SNX29: variants seen among roughly 807,000 people sequenced by gnomAD.
The protein encoded by SNX29 is sorting nexin 29, also known as sorting nexin-29.
SNX29 carries 78 observed loss-of-function variants against 102.1 expected under a neutral mutation model. The ratio of observed to expected loss-of-function variants is 0.76; its 90% CI spans 0.64 to 0.92. SNX29 has a LOEUF of 0.92. Among genes scored for constraint, SNX29 ranks in the 40% least tolerant of loss-of-function variants. SNX29 has a pLI of 0.00. For missense variants in SNX29, 1,280 were observed against 1,061.7 expected (o/e 1.21, Z -2.86); for synonymous variants, 580 against 414.5 (o/e 1.40, Z -4.85).
At chr16:12,520,132 C>A (rs1007715853) in intron 19 of SNX29, among the ~76,000 whole-genome samples, 3 of 152,204 alleles carry the variant, frequency 2.0e-5, no homozygotes, top group African/African-American at 7.2e-5. Context: ...TCCTGTGCCG[C>A]GATTCAGGCC....
rs530264378 is a variant in SNX29, at chr16:12,540,139, TTA to T, written c.2318+15301_2318+15302del. On this transcript the variant is annotated intron_variant, in intron 20 of 20. Transcript: ENST00000566228. ...TTTCTCCTAGGTTTTCCTCAAAGTT[TTA>T]TAGCTTTACATTTTAGATCTGCGAT... 2.3e-3 allele frequency among the ~76,000 whole-genome samples: 343 copies of T among 152,276 alleles called. 1 individual carries two copies. The highest frequency in any genetic ancestry group is 8.0e-3 in the African/African-American group (332 of 41,558).
At chr16:12,484,323 A>T (rs1378804273) in intron 19 of SNX29, among the ~76,000 whole-genome samples, 1 of 152,062 alleles carries the variant, frequency 6.6e-6, no homozygotes, top group East Asian at 1.9e-4. Flanking sequence ...TCCTGTTTAG[A>T]TTATTCTAAC....
At chr16:12,227,899 TAAAAAAAAAA>T (rs59381762) in intron 14 of SNX29, among the ~76,000 whole-genome samples, 6 of 71,568 alleles carry the variant, frequency 8.4e-5, no homozygotes, top group African/African-American at 1.8e-4. Flanking sequence ...GACTCTGTCT[TAAAAAAAAAA>T]AAAAAAAAAA....
chr16:12,323,248 A>AGTCACTGGGGACCACTGTCAGGATGTG (rs2081012887), intron 15 of SNX29, among the ~76,000 whole-genome samples: 1 of 130,864 alleles, frequency 7.6e-6, no homozygotes, highest in Non-Finnish European at 1.8e-5. Flanking sequence ...TGGTCACTGG[A>AGTCACTGGGGACCACTGTCAGGATGTG]GTCACTAGAG....
chr16:12,360,708 A>G (rs575981731), intron 16 of SNX29, among the ~76,000 whole-genome samples: 1 of 151,962 alleles, frequency 6.6e-6, no homozygotes, highest in East Asian at 1.9e-4. Context: ...TGCTTCCCTA[A>G]TTCCTGACAG....
chr16:12,096,026 C>T lies in SNX29; in HGVS notation c.1402+17111C>T, dbSNP rs909521915. Among the ~76,000 whole-genome samples, 27 of 152,208 alleles carry T rather than the reference C, an allele frequency of 1.8e-4. No homozygotes were observed. Among genetic ancestry groups the T allele is most frequent in the Admixed American group, 1.1e-3 (17 of 15,282 alleles). ...AACATCAGAGAGAGATGCGAGGCCC[C>T]GCAGCCAGCTGCTTGCTTGGCTAAG... On this transcript the variant is annotated intron_variant, in intron 11 of 20. Coordinates refer to ENST00000566228, the MANE Select transcript of SNX29 (RefSeq NM_032167.5). The surrounding 1 kb of genome is among the most constrained non-coding windows in gnomAD (Gnocchi z 4.2).
intron 8 of SNX29, among the ~76,000 whole-genome samples, chr16:12,055,411 A>G (rs1045140751): frequency 2.6e-5 from 4 of 151,938 alleles, no homozygotes; most frequent in Non-Finnish European, 5.9e-5. Context: ...TTGTGATTTT[A>G]GTAGAGATGG....
At chr16:12,467,046 G>C (rs1049869962) in intron 18 of SNX29, among the ~76,000 whole-genome samples, 14 of 152,228 alleles carry the variant, frequency 9.2e-5, no homozygotes, top group Non-Finnish European at 1.9e-4. Context: ...TGAAGGAAAA[G>C]GCAGTGGCCA....
chr16:12,166,014 C>T (rs1440586337), intron 13 of SNX29, among the ~76,000 whole-genome samples: 1 of 152,214 alleles, frequency 6.6e-6, no homozygotes, highest in Non-Finnish European at 1.5e-5. Flanking sequence ...TGTTTGAAGT[C>T]CTTATCCTGG....
chr16:12,573,597 A>T lies in SNX29; in HGVS notation c.*4968A>T. On this transcript the variant is annotated 3_prime_UTR_variant, in exon 21 of 21. Coordinates refer to ENST00000566228, the MANE Select transcript of SNX29 (RefSeq NM_032167.5). ...CCCAGGCTTCCCCCACTTCCCCTCA[A>T]ATTTTCTCAGCTCTGCCGCTGGTCT... 4.5e-6 allele frequency: 1 copy of T among 221,880 alleles called. No homozygotes were observed. Among genetic ancestry groups the T allele is most frequent in the East Asian group, 6.6e-5 (1 of 15,188 alleles). 13.7% of individuals were successfully genotyped at this position (221,880 alleles called of 1,614,324 possible).
chr16:12,174,966 A>G (rs1207156351), intron 13 of SNX29, among the ~76,000 whole-genome samples: 1 of 152,062 alleles, frequency 6.6e-6, no homozygotes, highest in Non-Finnish European at 1.5e-5. Flanking sequence ...TCCCTGAGGT[A>G]AGAGGGCTAG....
At chr16:12,553,999 A>G (rs958697136) in intron 20 of SNX29, among the ~76,000 whole-genome samples, 1 of 152,016 alleles carries the variant, frequency 6.6e-6, no homozygotes, top group Non-Finnish European at 1.5e-5. Context: ...TAATTTTTGT[A>G]TTTTTAGTAG....
chr16:12,304,723 A>G (rs2080286178), intron 15 of SNX29, among the ~76,000 whole-genome samples: 1 of 152,062 alleles, frequency 6.6e-6, no homozygotes, highest in Non-Finnish European at 1.5e-5. Context: ...TTCTCCTCCT[A>G]TTTTATTTCC....
intron 18 of SNX29, among the ~76,000 whole-genome samples, chr16:12,436,588 C>T (rs562378994): frequency 2.0e-5 from 3 of 152,340 alleles, no homozygotes; most frequent in African/African-American, 7.2e-5. Context: ...CCCCTGGTGC[C>T]TGGAAGGACT....
chr16:12,324,580 C>CT (rs1567439288), intron 15 of SNX29, among the ~76,000 whole-genome samples: 2 of 152,188 alleles, frequency 1.3e-5, no homozygotes, highest in African/African-American at 4.8e-5. Flanking sequence ...TCAATGTTTT[C>CT]TTTTTTAAAA....
intron 14 of SNX29, among the ~76,000 whole-genome samples, chr16:12,259,257 T>G (rs1039018114): frequency 6.6e-6 from 1 of 152,238 alleles, no homozygotes. Context: ...GCACTCCGCT[T>G]CCAGGTGTAC....
chr16:12,319,620 G>C (rs1005702995), intron 15 of SNX29, among the ~76,000 whole-genome samples: 1 of 152,148 alleles, frequency 6.6e-6, no homozygotes, highest in Non-Finnish European at 1.5e-5. Context: ...AAATCATCCT[G>C]GCAAGGAGTG....
At chr16:12,480,978 A>G (rs1261521766) in intron 19 of SNX29, among the ~76,000 whole-genome samples, 1 of 152,110 alleles carries the variant, frequency 6.6e-6, no homozygotes, top group African/African-American at 2.4e-5. Flanking sequence ...GGAGGAGAGA[A>G]CTGAGTCTGC....
At chr16:12,192,431 C>T (rs562043842) in intron 13 of SNX29, among the ~76,000 whole-genome samples, 108 of 152,296 alleles carry the variant, frequency 7.1e-4, no homozygotes, top group African/African-American at 1.3e-3. Context: ...TCCTATCTTC[C>T]GGCTTCTTCT....
Sources: gnomAD v4.1 joint callset for allele counts (sites outside exome capture counted in the v4.1 genomes callset) on GRCh38, gnomAD v4.1.1 for gene constraint, Gnocchi (gnomAD v3.1) non-coding constraint, MANE v1.5 for transcripts, NCBI Gene and HGNC (gene_info 2026-07-23, HGNC 2026-07-21) for gene names.